CNTNAP2: variants seen among roughly 807,000 people sequenced by gnomAD.
The protein encoded by CNTNAP2 is contactin associated protein 2.
Under a neutral mutation model 155.2 loss-of-function variants are expected in CNTNAP2, and 98 were observed. The observed-to-expected ratio is 0.63, with a 90% CI of 0.54 to 0.75. The LOEUF (loss-of-function observed/expected upper bound fraction) is 0.75, where lower values mean the gene tolerates loss of function less well. Ranked by LOEUF, CNTNAP2 falls within the 30% of genes least tolerant of loss-of-function variation. CNTNAP2 has a pLI of 0.00. For missense variants in CNTNAP2, 1,727 were observed against 1,688.1 expected (o/e 1.02, Z -0.40); for synonymous variants, 651 against 631.2 (o/e 1.03, Z -0.47).
intron 13 of CNTNAP2, among the ~76,000 whole-genome samples, chr7:147,886,525 T>G (rs1039197736): frequency 1.4e-5 from 2 of 142,708 alleles, no homozygotes; most frequent in Non-Finnish European, 3.0e-5. Context: ...AATCTCTCTC[T>G]CTCTTGAAGT....
chr7:147,438,531 A>G (rs1398022004), intron 10 of CNTNAP2, among the ~76,000 whole-genome samples: 1 of 151,114 alleles, frequency 6.6e-6, no homozygotes, highest in African/African-American at 2.4e-5. Flanking sequence ...TTTATGAGTG[A>G]TATTGGCCTG....
At chr7:146,795,447 G>A (rs1296254313) in intron 2 of CNTNAP2, among the ~76,000 whole-genome samples, 5 of 152,198 alleles carry the variant, frequency 3.3e-5, no homozygotes, top group Admixed American at 3.3e-4. Context: ...GACAATGAAA[G>A]TGTTCCTGGG....
intron 9 of CNTNAP2, among the ~76,000 whole-genome samples, chr7:147,336,980 A>T (rs112159467): frequency 1.6e-3 from 238 of 152,192 alleles, no homozygotes; most frequent in African/African-American, 5.1e-3. Context: ...ACCAGCTTAA[A>T]TTTTTTTAAC....
At chr7:147,108,021 CAG>C in intron 4 of CNTNAP2, 124 bp from the exon 5 acceptor site, 3 of 810,388 alleles carry the variant, frequency 3.7e-6, no homozygotes, top group Admixed American at 2.2e-5. Context: ...AGAAGAAAAA[CAG>C]AGGACTGTCA....
chr7:147,056,249 A>G (rs1242151025), intron 4 of CNTNAP2, among the ~76,000 whole-genome samples: 1 of 152,024 alleles, frequency 6.6e-6, no homozygotes, highest in Non-Finnish European at 1.5e-5. Flanking sequence ...ACCATTTATC[A>G]TGTCTATTTA....
At chr7:146,407,691 A>G (rs936105623) in intron 1 of CNTNAP2, among the ~76,000 whole-genome samples, 6 of 152,220 alleles carry the variant, frequency 3.9e-5, no homozygotes, top group Admixed American at 1.3e-4. Flanking sequence ...GTGACTTCAC[A>G]TGGTCAATGA....
intron 20 of CNTNAP2, among the ~76,000 whole-genome samples, chr7:148,234,650 C>T (rs1319755612): frequency 1.3e-5 from 2 of 152,154 alleles, no homozygotes; most frequent in African/African-American, 4.8e-5. Context: ...TCAGCCCAAA[C>T]AAGTCTGTAG....
At chr7:146,300,221 A>G (rs115528652) in intron 1 of CNTNAP2, among the ~76,000 whole-genome samples, 1,937 of 152,290 alleles carry the variant, frequency 0.013, 29 homozygotes, top group African/African-American at 0.043. Flanking sequence ...AATAATAAGA[A>G]TGCTATCAGT....
intron 3 of CNTNAP2, among the ~76,000 whole-genome samples, chr7:146,892,354 G>A (rs541774768): frequency 1.9e-4 from 29 of 152,262 alleles, no homozygotes; most frequent in African/African-American, 6.7e-4. Context: ...CCAAGAAACT[G>A]GTAACCTGTC....
At chr7:148,017,562 G>GTA (rs1229216886) in intron 15 of CNTNAP2, among the ~76,000 whole-genome samples, 2 of 152,144 alleles carry the variant, frequency 1.3e-5, no homozygotes, top group African/African-American at 4.8e-5. Flanking sequence ...AATCTATTCT[G>GTA]TATATATGTT....
intron 1 of CNTNAP2, among the ~76,000 whole-genome samples, chr7:146,685,891 C>T (rs1563188249): frequency 6.6e-6 from 1 of 152,138 alleles, no homozygotes; most frequent in Non-Finnish European, 1.5e-5. Context: ...GTCTATATCT[C>T]TACAGTTATG....
chr7:148,191,408 A>G (rs1318047522), intron 18 of CNTNAP2, among the ~76,000 whole-genome samples: 1 of 152,184 alleles, frequency 6.6e-6, no homozygotes, highest in African/African-American at 2.4e-5. Flanking sequence ...TAGCTTCCAG[A>G]ACCATAGTCA....
At chr7:147,712,579 G>A (rs1409190406) in intron 13 of CNTNAP2, among the ~76,000 whole-genome samples, 1 of 152,190 alleles carries the variant, frequency 6.6e-6, no homozygotes, top group African/African-American at 2.4e-5. Context: ...AAAAGGATGA[G>A]TTCATGTCCT....
chr7:146,761,321 G>A (rs1415668484), intron 1 of CNTNAP2, among the ~76,000 whole-genome samples: 18 of 141,792 alleles, frequency 1.3e-4, no homozygotes, highest in Non-Finnish European at 1.6e-5. Context: ...AAGGAAGGAA[G>A]GAAGGAAGGA....
chr7:147,026,554 T>C (rs1798922964), intron 3 of CNTNAP2, among the ~76,000 whole-genome samples: 1 of 152,008 alleles, frequency 6.6e-6, no homozygotes, highest in Non-Finnish European at 1.5e-5. Flanking sequence ...AATGAATACA[T>C]CATCTCAAAT....
chr7:147,137,774 A>G (rs181343295), intron 8 of CNTNAP2, among the ~76,000 whole-genome samples: 284 of 151,980 alleles, frequency 1.9e-3, no homozygotes, highest in African/African-American at 6.6e-3. Flanking sequence ...CTCATTTTGA[A>G]CAAATTCCGC....
At position 146,184,140 on chromosome 7, in the gene CNTNAP2, C is replaced by T. The variant is rs536795614; in HGVS notation, c.97+67167C>T. Among the ~76,000 whole-genome samples the T allele has an allele frequency of 4.6e-5, 7 of 152,270 alleles. No homozygotes were observed. The East Asian group carries it at 1.3e-3, about 29-fold the overall frequency. ...CCCCGAACCAACTACTCAGTATGCT[C>T]AAAAGCAAAAATCACGGACTATAAG... On this transcript the variant is annotated intron_variant, in intron 1 of 23. Coordinates refer to ENST00000361727, the MANE Select transcript of CNTNAP2 (RefSeq NM_014141.6).
At chr7:148,119,404 C>T (rs937226351) in intron 16 of CNTNAP2, among the ~76,000 whole-genome samples, 5 of 150,188 alleles carry the variant, frequency 3.3e-5, no homozygotes, top group South Asian at 2.1e-4. Context: ...GTGGCGGGGG[C>T]GCCTGTAGTC....
intron 1 of CNTNAP2, among the ~76,000 whole-genome samples, chr7:146,741,334 T>C (rs997073310): frequency 2.6e-5 from 4 of 152,158 alleles, no homozygotes; most frequent in Non-Finnish European, 5.9e-5. Context: ...TACTCCACTG[T>C]CTGGCTCCCA....
Sources: gnomAD v4.1 joint callset for allele counts (sites outside exome capture counted in the v4.1 genomes callset) on GRCh38, gnomAD v4.1.1 for gene constraint, MANE v1.5 for transcripts, NCBI Gene and HGNC (gene_info 2026-07-23, HGNC 2026-07-21) for gene names.